Variants in RNLS observed in about 807,000 individuals in gnomAD.
The protein encoded by RNLS is renalase, FAD dependent amine oxidase.
RNLS carries 39 observed loss-of-function variants against 39.8 expected under a neutral mutation model. The observed-to-expected ratio is 0.98, with a 90% confidence interval of 0.76 to 1.28. The LOEUF is 1.28. RNLS is among the 50% of genes most tolerant of loss of function. The pLI is 0.00. For synonymous variants in RNLS, 147 were observed against 150.7 expected (o/e 0.98, Z 0.18); for missense variants, 410 against 413.3 (o/e 0.99, Z 0.07).
chr10:88,262,206 G>C, the RNLS span, among the ~76,000 whole-genome samples: 1 of 152,016 alleles, frequency 6.6e-6, no homozygotes, highest in East Asian at 1.9e-4. Context: ...TTTTAATGTA[G>C]GTTTACCAGT....
At chr10:88,345,260 C>T (rs900112952) in intron 5 of RNLS, among the ~76,000 whole-genome samples, 1 of 152,100 alleles carries the variant, frequency 6.6e-6, no homozygotes, top group Non-Finnish European at 1.5e-5. Flanking sequence ...GACTTCGAAA[C>T]CTGCTCTTGA....
chr10:88,391,280 C>G (rs1852182013), intron 4 of RNLS, among the ~76,000 whole-genome samples: 1 of 152,064 alleles, frequency 6.6e-6, no homozygotes, highest in Non-Finnish European at 1.5e-5. Flanking sequence ...GTGTACTGGC[C>G]AGGAATAGTG....
chr10:88,432,538 C>T (rs541305717), intron 4 of RNLS, among the ~76,000 whole-genome samples: 61 of 151,718 alleles, frequency 4.0e-4, no homozygotes, highest in African/African-American at 1.4e-3. Context: ...TTCCTTGTTC[C>T]ATCTTTTCTC....
downstream of RNLS, among the ~76,000 whole-genome samples, chr10:88,280,910 T>G (rs1197377259): frequency 6.6e-6 from 1 of 152,226 alleles, no homozygotes; most frequent in Non-Finnish European, 1.5e-5. Flanking sequence ...CAGGGTTCCA[T>G]AATTCAACCA....
the RNLS span, among the ~76,000 whole-genome samples, chr10:88,178,304 T>G: frequency 6.6e-6 from 1 of 152,216 alleles, no homozygotes; most frequent in African/African-American, 2.4e-5. Context: ...GTGGTTTCTT[T>G]GCTCTCAAAA....
At chr10:88,543,586 G>A (rs775535736) in intron 4 of RNLS, among the ~76,000 whole-genome samples, 1 of 152,114 alleles carries the variant, frequency 6.6e-6, no homozygotes, top group Non-Finnish European at 1.5e-5. Flanking sequence ...GTTTCAGGAA[G>A]AGCAAACCTA....
intron 4 of RNLS, among the ~76,000 whole-genome samples, chr10:88,403,441 T>G (rs1003180800): frequency 3.3e-5 from 5 of 152,044 alleles, no homozygotes; most frequent in Non-Finnish European, 7.4e-5. Context: ...ACAAGTACCT[T>G]TATCTTGGAG....
chr10:88,295,427 T>C (rs1844012116), intron 6 of RNLS, among the ~76,000 whole-genome samples: 2 of 152,182 alleles, frequency 1.3e-5, no homozygotes, highest in East Asian at 1.9e-4. Context: ...TTGGTTCTTA[T>C]GTGTTGTGTT....
At chr10:88,480,209 T>C (rs2134015151) in intron 4 of RNLS, among the ~76,000 whole-genome samples, 1 of 152,372 alleles carries the variant, frequency 6.6e-6, no homozygotes, top group East Asian at 1.9e-4. Flanking sequence ...CTAGTAAGCA[T>C]ATTCCACGTT....
intron 5 of RNLS, among the ~76,000 whole-genome samples, chr10:88,344,754 G>A (rs1348081769): frequency 6.6e-6 from 1 of 152,038 alleles, no homozygotes; most frequent in African/African-American, 2.4e-5. Context: ...CTATTTTAGT[G>A]AGGAAAACTA....
In RNLS at chr10:88,582,152, T is replaced by C. The variant is rs762513144; in HGVS notation, c.224+50A>G. 4.3e-6 allele frequency: 6 copies of C among 1,399,494 alleles called. No homozygotes were observed. The South Asian group carries it at 6.0e-5, about 14-fold the overall frequency. 86.7% of individuals were successfully genotyped at this position (1,399,494 alleles called of 1,614,324 possible). ...TAATCTAATCTTCACAACAACCCTA[T>C]GACATCACACAACTGCTAAGATTGA... On this transcript the variant is annotated intron_variant, in intron 2 of 6. Coordinates refer to ENST00000331772, the MANE Select transcript of RNLS (RefSeq NM_001031709.3).
intron 4 of RNLS, among the ~76,000 whole-genome samples, chr10:88,469,027 T>C (rs1417629935): frequency 1.3e-5 from 2 of 152,190 alleles, no homozygotes. Context: ...TAAATGTTCA[T>C]GATACATTAA....
At chr10:88,426,133 A>G (rs1306193364) in intron 4 of RNLS, among the ~76,000 whole-genome samples, 3 of 152,086 alleles carry the variant, frequency 2.0e-5, no homozygotes, top group Admixed American at 2.0e-4. Context: ...TAGGTGCTGT[A>G]GACACAATGA....
chr10:88,246,955 G>A, the RNLS span, among the ~76,000 whole-genome samples: 2,444 of 152,302 alleles, frequency 0.016, 18 homozygotes, highest in Non-Finnish European at 0.024. Context: ...TAGCCGTATG[G>A]TAATTAGGCC....
At chr10:88,274,730 CA>C in exon 7 of RNLS, 1 of 417,796 alleles carries the variant, frequency 2.4e-6, no homozygotes. Flanking sequence ...GCAGATCATA[CA>C]GCAATTCTAT....
At chr10:88,418,081 C>CTT (rs35536346) in intron 4 of RNLS, among the ~76,000 whole-genome samples, 9 of 143,926 alleles carry the variant, frequency 6.3e-5, no homozygotes, top group African/African-American at 1.8e-4. Flanking sequence ...GAGCTTTTGT[C>CTT]TTTTTTTTTT....
At chr10:88,172,839 G>GTTGTTTT in the RNLS span, among the ~76,000 whole-genome samples, 9 of 31,510 alleles carry the variant, frequency 2.9e-4, no homozygotes, top group East Asian at 1.7e-3. Flanking sequence ...TGCATTTTGA[G>GTTGTTTT]TTGTTTTTTT....
In RNLS at chr10:88,434,546, C is replaced by T. The variant is rs190609869; in HGVS notation, c.527-71821G>A. Among the ~76,000 whole-genome samples the T allele has an allele frequency of 2.4e-3, 367 of 152,230 alleles. 2 individuals carry two copies. Among genetic ancestry groups the T allele is most frequent in the African/African-American group, 8.4e-3 (348 of 41,542 alleles). ...TAAATGTGAGTTTCTGAGCTAGTTGCTTAACATTGCTGAATCTGTTTCCTT... is the reference window on the plus strand; with the variant it reads ...TAAATGTGAGTTTCTGAGCTAGTTGTTTAACATTGCTGAATCTGTTTCCTT... On this transcript the variant is annotated intron_variant, in intron 4 of 6. Coordinates refer to ENST00000331772, the MANE Select transcript of RNLS (RefSeq NM_001031709.3).
At chr10:88,431,985 T>C (rs1855157520) in intron 4 of RNLS, among the ~76,000 whole-genome samples, 1 of 151,780 alleles carries the variant, frequency 6.6e-6, no homozygotes. Context: ...TCAAGTTGAT[T>C]GATAGTGTTA....
Sources: allele counts gnomAD v4.1 joint callset (sites outside exome capture counted in the v4.1 genomes callset), GRCh38; gene constraint gnomAD v4.1.1; transcripts MANE v1.5; gene names NCBI Gene and HGNC (gene_info 2026-07-23, HGNC 2026-07-21).